The following FBRSL1 variants were observed in gnomAD, a reference collection of about 807,000 sequenced individuals.
FBRSL1 encodes fibrosin-1-like protein.
Under a neutral mutation model 89.6 loss-of-function variants are expected in FBRSL1, and 51 were observed. The ratio of observed to expected loss-of-function variants is 0.57; its 90% CI spans 0.45 to 0.72. The LOEUF is 0.72. Ranked by LOEUF, FBRSL1 falls within the 30% of genes least tolerant of loss-of-function variation. The probability of loss-of-function intolerance (pLI) is 0.00; values close to 1 mark genes in which losing one functional copy is unlikely to be tolerated. For synonymous variants in FBRSL1, 779 were observed against 681.1 expected (o/e 1.14, Z -2.24); for missense variants, 1,618 against 1,451.8 (o/e 1.11, Z -1.86).
At chr12:132,570,799 C>A (rs2039960714) in intron 8 of FBRSL1, among the ~76,000 whole-genome samples, 1 of 151,722 alleles carries the variant, frequency 6.6e-6, no homozygotes, top group South Asian at 2.1e-4. Flanking sequence ...GCGCACGGGC[C>A]TCCCCTCCTG....
chr12:132,518,372 T>C (rs547019618), intron 2 of FBRSL1, among the ~76,000 whole-genome samples: 7 of 149,980 alleles, frequency 4.7e-5, no homozygotes, highest in Non-Finnish European at 8.9e-5. Context: ...ATCTGTAGTG[T>C]ATCTCATCCA....
rs1289161133 is a variant in FBRSL1, at chr12:132,583,101, G to T, written c.2332G>T (p.Ala778Ser). The T allele has an allele frequency of 2.1e-6, 3 of 1,455,056 alleles. No homozygotes were observed. Among genetic ancestry groups the T allele is most frequent in the East Asian group, 3.1e-5 (1 of 31,974 alleles). The allele number at this position is 1,455,056 out of a possible 1,614,324, so 90.1% of individuals were successfully genotyped here. Residue 778 changes from alanine to serine, a missense_variant, in exon 19 of 19, where the codon GCC (alanine) becomes TCC (serine). Physicochemically the swap from Ala to Ser is moderately conservative, Grantham distance 99. Transcript: ENST00000680143. ...GRSGAPAERE[A>S]EPRVKESRSP... Reference sequence around the variant, plus strand: ...GTCCGGGGCCCCCGCGGAGCGCGAGGCCGAACCTCGGGTCAAGGAGAGCCG... The same window carrying T: ...GTCCGGGGCCCCCGCGGAGCGCGAGTCCGAACCTCGGGTCAAGGAGAGCCG...
intron 2 of FBRSL1, chr12:132,510,235 C>T: frequency 8.1e-7 from 1 of 1,231,990 alleles, no homozygotes; most frequent in Non-Finnish European, 1.0e-6. Flanking sequence ...GATCGCCCTT[C>T]ACTCCTGGGG....
At chr12:132,542,619 G>C (rs1321118367) in intron 4 of FBRSL1, among the ~76,000 whole-genome samples, 1 of 152,228 alleles carries the variant, frequency 6.6e-6, no homozygotes, top group African/African-American at 2.4e-5. Flanking sequence ...TGGGGAGGTG[G>C]AAGCAGAGGC....
intron 5 of FBRSL1, chr12:132,560,248 A>T (rs1593494687): frequency 1.3e-5 from 2 of 151,664 alleles, no homozygotes; most frequent in East Asian, 3.9e-4. Flanking sequence ...CGCGCTGCGG[A>T]CTCCAGAGAG....
intron 1 of FBRSL1, among the ~76,000 whole-genome samples, chr12:132,496,980 A>G (rs2032147122): frequency 6.6e-6 from 1 of 151,604 alleles, no homozygotes; most frequent in African/African-American, 2.4e-5. Flanking sequence ...CTGTCCGTGA[A>G]CTCCGGACGT....
At chr12:132,550,254 A>AGGGGAGCGGAGAGGGGCT (rs1555278942) in intron 5 of FBRSL1, among the ~76,000 whole-genome samples, 3 of 89,820 alleles carry the variant, frequency 3.3e-5, no homozygotes, top group East Asian at 2.6e-4. Flanking sequence ...AGGGGCTGCC[A>AGGGGAGCGGAGAGGGGCT]GCCTTTCTCC....
rs1411538900 is a variant in FBRSL1 at position 132,584,817 on chromosome 12, TTTAC to T, written c.*1040_*1043del. On this transcript the variant is annotated 3_prime_UTR_variant, in exon 19 of 19. Coordinates refer to ENST00000680143, the MANE Select transcript of FBRSL1 (RefSeq NM_001367871.1). ...GAAGTGCAAGAGTCTAAAGGCTGATTTTACACACACACACACACACACACACACA... is the reference window on the plus strand; with the variant it reads ...GAAGTGCAAGAGTCTAAAGGCTGATTACACACACACACACACACACACACA... 0.021 allele frequency: 2,540 copies of T among 121,656 alleles called. 33 individuals are homozygous for T. Among genetic ancestry groups the T allele is most frequent in the East Asian group, 0.038 (178 of 4,666 alleles). The allele number at this position is 121,656 out of a possible 1,614,324, so 7.5% of individuals were successfully genotyped here.
At chr12:132,574,642 G>T in intron 14 of FBRSL1, 78 bp downstream of exon 14, 1 of 1,499,098 alleles carries the variant, frequency 6.7e-7, no homozygotes. Context: ...CAGGCATGAG[G>T]CTGTGTGTGT....
At chr12:132,537,049 C>T (rs1166845777) in intron 4 of FBRSL1, among the ~76,000 whole-genome samples, 1 of 152,132 alleles carries the variant, frequency 6.6e-6, no homozygotes, top group Non-Finnish European at 1.5e-5. Context: ...TGGTGGCCAG[C>T]TCTTGTCACC....
In FBRSL1 at chr12:132,583,715, C is replaced by T. The variant is rs965462039; in HGVS notation, c.2946C>T (p.Leu982=). The change falls in exon 19 of 19, where the codon CTC becomes CTT. Residue 982 remains leucine, a synonymous_variant. Transcript: ENST00000680143. ...PRSRTTPLGG[L]GPGEARDYSP... is the part of the protein sequence containing the mutation. Reference sequence around the variant, plus strand: ...GCCGGACTACTCCGCTGGGGGGCCTCGGGCCGGGCGAGGCGCGCGACTACT... The same window carrying T: ...GCCGGACTACTCCGCTGGGGGGCCTTGGGCCGGGCGAGGCGCGCGACTACT... 181 of 1,204,894 alleles carry T rather than the reference C, an allele frequency of 1.5e-4. No individual in the cohort carries two copies. Among genetic ancestry groups the T allele is most frequent in the Non-Finnish European group, 1.8e-4 (170 of 970,858 alleles). The allele number at this position is 1,204,894 out of a possible 1,614,324, so 74.6% of individuals were successfully genotyped here.
At chr12:132,502,492 A>C (rs1345069715) in intron 1 of FBRSL1, among the ~76,000 whole-genome samples, 1 of 152,156 alleles carries the variant, frequency 6.6e-6, no homozygotes, top group African/African-American at 2.4e-5. Flanking sequence ...CCGAGTGCAC[A>C]GCAGGACTGA....
intron 2 of FBRSL1, among the ~76,000 whole-genome samples, chr12:132,518,889 C>T (rs2035097653): frequency 6.6e-6 from 1 of 151,660 alleles, no homozygotes; most frequent in Non-Finnish European, 1.5e-5. Context: ...ACCCATGCAT[C>T]TATCCATCCA....
intron 5 of FBRSL1, chr12:132,551,234 A>T: frequency 2.7e-6 from 1 of 368,836 alleles, no homozygotes. Flanking sequence ...CCCGTCTGTG[A>T]ACTGGATATG....
chr12:132,533,570 T>C (rs2036478709), intron 4 of FBRSL1, among the ~76,000 whole-genome samples: 2 of 152,266 alleles, frequency 1.3e-5, no homozygotes, highest in Non-Finnish European at 2.9e-5. Flanking sequence ...GGCTGAGCCA[T>C]GTCCTCGCCC....
chr12:132,507,457 G>A lies in FBRSL1; in HGVS notation c.292-696G>A, dbSNP rs185134559. The stretch of plus-strand genomic sequence containing the variant: ...AACCTGGGGCTGCCCGATGTCCACC[G>A]GCAGGGCGGAGGCTGGAGTGTCCTG... On this transcript the variant is annotated intron_variant, in intron 1 of 18. Coordinates refer to ENST00000680143, the MANE Select transcript of FBRSL1 (RefSeq NM_001367871.1). The A allele has an allele frequency of 1.8e-5, 18 of 981,170 alleles. No individual in the cohort carries two copies. The East Asian group carries it at 3.4e-4, about 19-fold the overall frequency. The allele number at this position is 981,170 out of a possible 1,614,324, so 60.8% of individuals were successfully genotyped here. A position where few individuals can be genotyped will look rare whatever the true frequency, so the allele number is the denominator to read the frequency against.
At chr12:132,501,396 C>T (rs1459220314) in intron 1 of FBRSL1, among the ~76,000 whole-genome samples, 1 of 152,218 alleles carries the variant, frequency 6.6e-6, no homozygotes, top group Non-Finnish European at 1.5e-5. Context: ...GGAAGAGGCT[C>T]TGTGTGTCCC....
At chr12:132,494,694 C>T (rs1327811823) in intron 1 of FBRSL1, among the ~76,000 whole-genome samples, 1 of 152,238 alleles carries the variant, frequency 6.6e-6, no homozygotes, top group Non-Finnish European at 1.5e-5. Context: ...CACCTGGTGA[C>T]TTTCACTTGG....
At chr12:132,523,980 TTG>T (rs2035578865) in intron 2 of FBRSL1, among the ~76,000 whole-genome samples, 1 of 151,556 alleles carries the variant, frequency 6.6e-6, no homozygotes, top group Non-Finnish European at 1.5e-5. Flanking sequence ...AAAGGAGAGG[TTG>T]TGAGAGTCCA....
Sources: allele counts gnomAD v4.1 joint callset (sites outside exome capture counted in the v4.1 genomes callset), GRCh38; gene constraint gnomAD v4.1.1; transcripts MANE v1.5; gene names NCBI Gene and HGNC (gene_info 2026-07-23, HGNC 2026-07-21).